The following FRMD5 variants were observed in gnomAD, a reference collection of about 807,000 sequenced individuals.
FRMD5 encodes FERM domain-containing protein 5.
A neutral mutation model predicts 69.0 loss-of-function variants in FRMD5; 20 were observed. The observed-to-expected ratio is 0.29, with a 90% CI of 0.20 to 0.42. The LOEUF (loss-of-function observed/expected upper bound fraction) is 0.42, where lower values mean the gene tolerates loss of function less well. Ranked by LOEUF, FRMD5 falls within the 10% of genes least tolerant of loss-of-function variation. FRMD5 has a pLI of 1.00. For synonymous variants in FRMD5, 271 were observed against 260.1 expected (o/e 1.04, Z -0.40); for missense variants, 595 against 708.6 (o/e 0.84, Z 1.82).
chr15:43,944,178 C>G (rs890499982), intron 1 of FRMD5, among the ~76,000 whole-genome samples: 1 of 152,188 alleles, frequency 6.6e-6, no homozygotes, highest in Non-Finnish European at 1.5e-5. Context: ...TAAGGCACTG[C>G]ATCTGGCAAG....
At chr15:44,159,052 A>G (rs1363658441) in intron 1 of FRMD5, among the ~76,000 whole-genome samples, 3 of 151,764 alleles carry the variant, frequency 2.0e-5, no homozygotes, top group Admixed American at 6.6e-5. Flanking sequence ...CCAAGCCTAG[A>G]GAGATCCTTA....
At chr15:44,189,774 G>A (rs1031688043) in intron 1 of FRMD5, among the ~76,000 whole-genome samples, 2 of 152,104 alleles carry the variant, frequency 1.3e-5, no homozygotes, top group East Asian at 1.9e-4. Flanking sequence ...TTACAGGCAT[G>A]AGCCACCATG....
chr15:43,888,028 G>T, intron 10 of FRMD5, 147 bp downstream of exon 10: 1 of 592,942 alleles, frequency 1.7e-6, no homozygotes, highest in Non-Finnish European at 3.0e-6. Flanking sequence ...CTTGCCTTTG[G>T]CCTCAACCTG....
intron 1 of FRMD5, among the ~76,000 whole-genome samples, chr15:44,007,743 T>G (rs1406944264): frequency 1.4e-5 from 2 of 144,042 alleles, no homozygotes; most frequent in Non-Finnish European, 3.0e-5. Flanking sequence ...TCTCCCGGGT[T>G]CAAGTGATTC....
At position 43,892,064 on chromosome 15, in the gene FRMD5, C is replaced by T. The variant is rs531461438; in HGVS notation, c.645G>A (p.Val215=). 11 of 1,613,966 alleles carry T rather than the reference C, an allele frequency of 6.8e-6. No homozygotes were observed. Among genetic ancestry groups the T allele is most frequent in the East Asian group, 4.5e-5 (2 of 44,852 alleles). ...YGVDPHPCKD[V]SGNAAFLAFT... is the part of the protein sequence containing the mutation. ...AGGCCAGAAATGCAGCATTTCCTGACACGTCCTGCAACACAGAAAGACTTC... is the reference window on the plus strand; with the variant it reads ...AGGCCAGAAATGCAGCATTTCCTGATACGTCCTGCAACACAGAAAGACTTC... Residue 215 remains valine (V), a synonymous_variant, in exon 8 of 14, where the codon GTG becomes GTA. Transcript: ENST00000417257.
chr15:44,052,085 G>T lies in FRMD5; in HGVS notation c.103-127776C>A, dbSNP rs985975619. ...TGTGCTCCACCTCCTTGAGAACAAAGTAGTTACATATATTATTTTGAATTT... is the reference window on the plus strand; with the variant it reads ...TGTGCTCCACCTCCTTGAGAACAAATTAGTTACATATATTATTTTGAATTT... On this transcript the variant is annotated intron_variant, in intron 1 of 13. Coordinates refer to ENST00000417257, the MANE Select transcript of FRMD5 (RefSeq NM_032892.5). 2.0e-5 allele frequency among the ~76,000 whole-genome samples: 3 copies of T among 152,006 alleles called. No homozygotes were observed. In the East Asian group the frequency reaches 5.8e-4, roughly 29 times the overall value.
intron 1 of FRMD5, among the ~76,000 whole-genome samples, chr15:43,927,586 T>C (rs79821353): frequency 0.011 from 1,642 of 152,326 alleles, 24 homozygotes; most frequent in African/African-American, 0.038. Flanking sequence ...CATGTTCCAC[T>C]CTATCCCATG....
intron 10 of FRMD5, among the ~76,000 whole-genome samples, chr15:43,886,033 A>C (rs906838344): frequency 7.2e-5 from 11 of 152,282 alleles, no homozygotes; most frequent in African/African-American, 2.6e-4. Flanking sequence ...TACCAGGGGG[A>C]CTGAGAGAAT....
At chr15:44,147,261 CTTGT>C (rs948524583) in intron 1 of FRMD5, among the ~76,000 whole-genome samples, 5 of 152,098 alleles carry the variant, frequency 3.3e-5, no homozygotes, top group East Asian at 1.9e-4. Context: ...TTCTCTGTTG[CTTGT>C]TTTTGTCAGG....
In FRMD5 at chr15:43,873,551, TTTTA is replaced by T. The variant is rs759098787; in HGVS notation, c.*330_*333del. ...AATCAGTAATAGTAAAATAAATTAT[TTTTA>T]TTTGATACTTCAAAATAATATACAT... is the stretch of plus-strand genomic sequence containing the variant. On this transcript the variant is annotated 3_prime_UTR_variant, in exon 14 of 14. Coordinates refer to ENST00000417257, the MANE Select transcript of FRMD5 (RefSeq NM_032892.5). 83 of 1,384,932 alleles carry T rather than the reference TTTTA, an allele frequency of 6.0e-5. No homozygotes were observed. Among genetic ancestry groups the T allele is most frequent in the African/African-American group, 1.9e-4 (13 of 68,336 alleles). The allele number at this position is 1,384,932 out of a possible 1,614,324, so 85.8% of individuals were successfully genotyped here.
chr15:44,170,170 C>T (rs932849955), intron 1 of FRMD5, among the ~76,000 whole-genome samples: 1 of 152,120 alleles, frequency 6.6e-6, no homozygotes, highest in Non-Finnish European at 1.5e-5. Flanking sequence ...TCCATCTCAG[C>T]TTCTCGAGTG....
chr15:43,877,195 GC>G (rs1216679156), intron 13 of FRMD5, among the ~76,000 whole-genome samples: 1 of 152,176 alleles, frequency 6.6e-6, no homozygotes, highest in Admixed American at 6.5e-5. Flanking sequence ...GACAAGAAAA[GC>G]CAGTCCCCTT....
intron 1 of FRMD5, among the ~76,000 whole-genome samples, chr15:44,019,128 C>T (rs1189075736): frequency 6.6e-6 from 1 of 152,014 alleles, no homozygotes; most frequent in African/African-American, 2.4e-5. Context: ...CTCCTGACCT[C>T]GGTGATCCAC....
At chr15:43,914,158 T>C (rs1438553540) in intron 4 of FRMD5, among the ~76,000 whole-genome samples, 3 of 152,224 alleles carry the variant, frequency 2.0e-5, no homozygotes, top group Admixed American at 2.0e-4. Flanking sequence ...GTATTGGCTT[T>C]GGCATAATGC....
intron 1 of FRMD5, among the ~76,000 whole-genome samples, chr15:44,150,772 C>T (rs148935571): frequency 6.6e-6 from 1 of 151,446 alleles, no homozygotes; most frequent in East Asian, 1.9e-4. Flanking sequence ...GCCTGGGCAA[C>T]AGAGCAGACC....
chr15:44,182,014 C>CT (rs11291925), intron 1 of FRMD5, among the ~76,000 whole-genome samples: 3,273 of 142,168 alleles, frequency 0.023, 52 homozygotes, highest in Non-Finnish European at 0.038. Flanking sequence ...TTTACATTTG[C>CT]TTTTTTTTTT....
At chr15:44,007,284 T>C (rs1890494360) in intron 1 of FRMD5, among the ~76,000 whole-genome samples, 2 of 152,238 alleles carry the variant, frequency 1.3e-5, no homozygotes, top group South Asian at 2.1e-4. Flanking sequence ...ATAACTTTTA[T>C]ATGCACTGGG....
At chr15:44,081,624 A>G (rs1393320441) in intron 1 of FRMD5, among the ~76,000 whole-genome samples, 2 of 152,060 alleles carry the variant, frequency 1.3e-5, no homozygotes, top group African/African-American at 4.8e-5. Context: ...AACTCAGAGG[A>G]TTAATAAAAA....
At chr15:44,145,403 A>C (rs575750170) in intron 1 of FRMD5, among the ~76,000 whole-genome samples, 5 of 152,290 alleles carry the variant, frequency 3.3e-5, no homozygotes, top group African/African-American at 1.2e-4. Context: ...TTATTTGAAC[A>C]GTTGTTTCAT....
Sources: gnomAD v4.1 joint callset for allele counts (sites outside exome capture counted in the v4.1 genomes callset) on GRCh38, gnomAD v4.1.1 for gene constraint, MANE v1.5 for transcripts, NCBI Gene and HGNC (gene_info 2026-07-23, HGNC 2026-07-21) for gene names.